The following ATRNL1 variants were observed in gnomAD, a reference collection of about 807,000 sequenced individuals.
The protein encoded by ATRNL1 is attractin-like protein 1.
Under a neutral mutation model 182.7 loss-of-function variants are expected in ATRNL1, and 95 were observed. That is an observed-to-expected ratio of 0.52 (90% CI 0.44 to 0.62). ATRNL1 has a LOEUF of 0.62. Ranked by LOEUF, ATRNL1 falls within the 20% of genes least tolerant of loss-of-function variation. ATRNL1 has a pLI of 0.00. For synonymous variants in ATRNL1, 576 were observed against 568.3 expected (o/e 1.01, Z -0.19); for missense variants, 1,471 against 1,679.5 (o/e 0.88, Z 2.17).
intron 19 of ATRNL1, among the ~76,000 whole-genome samples, chr10:115,369,470 C>T (rs1441482850): frequency 6.6e-6 from 1 of 152,044 alleles, no homozygotes; most frequent in Admixed American, 6.5e-5. Flanking sequence ...AGTATTCATC[C>T]ATTGATGGAT....
At chr10:115,247,308 A>G (rs569870536) in intron 10 of ATRNL1, among the ~76,000 whole-genome samples, 8 of 152,278 alleles carry the variant, frequency 5.3e-5, no homozygotes, top group South Asian at 2.1e-4. Context: ...AAAATTCTCA[A>G]TGATAAAAAA....
At chr10:115,188,249 A>G (rs1426936511) in intron 8 of ATRNL1, among the ~76,000 whole-genome samples, 1 of 152,182 alleles carries the variant, frequency 6.6e-6, no homozygotes, top group African/African-American at 2.4e-5. Flanking sequence ...TAGAAGAAGT[A>G]GATAAATGTT....
intron 8 of ATRNL1, among the ~76,000 whole-genome samples, chr10:115,210,346 T>TTG (rs199755144): frequency 5.9e-5 from 9 of 151,548 alleles, no homozygotes; most frequent in Non-Finnish European, 7.4e-5. Flanking sequence ...TTGTATTTGT[T>TTG]TGTGTGTGTG....
intron 26 of ATRNL1, among the ~76,000 whole-genome samples, chr10:115,686,421 G>T (rs577238142): frequency 7.2e-5 from 11 of 152,066 alleles, no homozygotes; most frequent in Non-Finnish European, 1.5e-4. Context: ...TGAAAGATTT[G>T]CCCTTTGTCC....
Position 115,323,850 on chromosome 10 carries a change from T to C in ATRNL1, c.3037+8114T>C, listed in dbSNP as rs199826678. 2.5e-4 allele frequency among the ~76,000 whole-genome samples: 38 copies of C among 152,050 alleles called. No homozygotes were observed. The East Asian group carries it at 7.2e-3, about 29-fold the overall frequency. On this transcript the variant is annotated intron_variant, in intron 18 of 28. Coordinates refer to ENST00000355044, the MANE Select transcript of ATRNL1 (RefSeq NM_207303.4). ...TGGAGTGCAGTGGCGCGATCTCGGC[T>C]CACCGCAAGCTCCACCTCCCGGGTT...
At chr10:115,127,465 C>G (rs1845022143) in intron 3 of ATRNL1, 128 bp from the exon 4 acceptor site, 2 of 648,034 alleles carry the variant, frequency 3.1e-6, no homozygotes. Context: ...GATGTATTCT[C>G]CTTTTAGTTG....
rs1201669051 is a variant in ATRNL1 at position 115,946,805 on chromosome 10, T to A, written c.*2026T>A. 6.6e-6 allele frequency: 1 copy of A among 152,204 alleles called. No homozygotes were observed. Among genetic ancestry groups the A allele is most frequent in the Non-Finnish European group, 1.5e-5 (1 of 68,030 alleles). The allele number at this position is 152,204 out of a possible 1,614,324, so 9.4% of individuals were successfully genotyped here. The stretch of plus-strand genomic sequence containing the variant: ...TGATTACAAAGATATAATCATTTTT[T>A]AAAAAGTGATTGCCCAATGTATTTC... On this transcript the variant is annotated 3_prime_UTR_variant, in exon 29 of 29. Transcript: ENST00000355044.
chr10:115,630,693 G>A (rs143162505), intron 26 of ATRNL1, among the ~76,000 whole-genome samples: 1 of 146,780 alleles, frequency 6.8e-6, no homozygotes, highest in Non-Finnish European at 1.5e-5. Flanking sequence ...ATTTATATAT[G>A]TATATTATAT....
At chr10:115,512,694 G>A (rs1554982947) in intron 24 of ATRNL1, among the ~76,000 whole-genome samples, 1 of 151,842 alleles carries the variant, frequency 6.6e-6, no homozygotes, top group African/African-American at 2.4e-5. Flanking sequence ...GTGGGGAAAA[G>A]ACATTTTAAC....
chr10:115,832,823 C>A (rs1490596708), intron 27 of ATRNL1, among the ~76,000 whole-genome samples: 2 of 152,138 alleles, frequency 1.3e-5, no homozygotes, highest in Non-Finnish European at 2.9e-5. Context: ...TCTGTCTCAA[C>A]CTTTTATCTG....
intron 27 of ATRNL1, among the ~76,000 whole-genome samples, chr10:115,772,255 T>G (rs905651730): frequency 2.0e-5 from 3 of 152,222 alleles, no homozygotes; most frequent in Non-Finnish European, 2.9e-5. Flanking sequence ...CATTTCACAC[T>G]GTGGCTGGTG....
chr10:115,681,948 C>A (rs1488843545), intron 26 of ATRNL1, among the ~76,000 whole-genome samples: 1 of 152,084 alleles, frequency 6.6e-6, no homozygotes, highest in Non-Finnish European at 1.5e-5. Context: ...TCCTGAGATA[C>A]AATGCAGTGG....
At chr10:115,459,794 T>G (rs1208671359) in intron 21 of ATRNL1, among the ~76,000 whole-genome samples, 2 of 152,142 alleles carry the variant, frequency 1.3e-5, no homozygotes, top group Admixed American at 6.6e-5. Context: ...AACTTGCTGG[T>G]TTTTGTGGCT....
At chr10:115,630,763 A>G (rs1443286140) in intron 26 of ATRNL1, among the ~76,000 whole-genome samples, 4 of 147,484 alleles carry the variant, frequency 2.7e-5, no homozygotes, top group African/African-American at 9.8e-5. Flanking sequence ...TATATTTAAT[A>G]GATATATATT....
At chr10:115,818,154 C>T (rs1950209504) in intron 27 of ATRNL1, among the ~76,000 whole-genome samples, 1 of 150,324 alleles carries the variant, frequency 6.7e-6, no homozygotes, top group Admixed American at 6.7e-5. Flanking sequence ...TTTCTTAAGT[C>T]CAAGCTAAAG....
chr10:115,601,100 A>G (rs1224129208), intron 26 of ATRNL1, among the ~76,000 whole-genome samples: 2 of 151,924 alleles, frequency 1.3e-5, no homozygotes, highest in African/African-American at 4.8e-5. Flanking sequence ...AAAATAAGTT[A>G]TATTTGCCCT....
At chr10:115,613,269 C>G (rs947546820) in intron 26 of ATRNL1, among the ~76,000 whole-genome samples, 2 of 152,160 alleles carry the variant, frequency 1.3e-5, no homozygotes, top group Non-Finnish European at 2.9e-5. Context: ...AACGTTTTGC[C>G]TATGTCTGTT....
chr10:115,255,950 C>CGT (rs1851107849), intron 10 of ATRNL1, among the ~76,000 whole-genome samples: 1 of 152,132 alleles, frequency 6.6e-6, no homozygotes, highest in Non-Finnish European at 1.5e-5. Flanking sequence ...TATTGATTTG[C>CGT]ATACGTTGAA....
At chr10:115,687,464 A>G (rs1158798831) in intron 26 of ATRNL1, among the ~76,000 whole-genome samples, 7 of 152,062 alleles carry the variant, frequency 4.6e-5, no homozygotes, top group Admixed American at 4.6e-4. Flanking sequence ...TTTTGAGGCT[A>G]AGTAATATTC....
Sources: gnomAD v4.1 joint callset for allele counts (sites outside exome capture counted in the v4.1 genomes callset) on GRCh38, gnomAD v4.1.1 for gene constraint, MANE v1.5 for transcripts, NCBI Gene and HGNC (gene_info 2026-07-23, HGNC 2026-07-21) for gene names.